Variants in TNR observed in about 807,000 individuals in gnomAD.
TNR encodes the protein tenascin-R.
In TNR, 45 loss-of-function variants were observed where a neutral mutation model predicts 150.4. The observed-to-expected ratio is 0.30, with a 90% CI of 0.24 to 0.38. The LOEUF is 0.38. Among genes scored for constraint, TNR ranks in the 10% least tolerant of loss-of-function variants. The pLI is 1.00. For missense variants in TNR, 1,544 were observed against 1,759.1 expected, an observed-to-expected ratio of 0.88 and a Z score of 2.19; for synonymous variants, 687 against 678.4, an observed-to-expected ratio of 1.01 and a Z score of -0.20.
chr1:175,521,347 A>G (rs544346708), intron 2 of TNR, among the ~76,000 whole-genome samples: 3 of 152,324 alleles, frequency 2.0e-5, no homozygotes, highest in South Asian at 4.1e-4. Context: ...TCAGTTGTCA[A>G]TGGTCACTCT....
chr1:175,422,110 T>G (rs1654776584), intron 2 of TNR, among the ~76,000 whole-genome samples: 1 of 152,220 alleles, frequency 6.6e-6, no homozygotes, highest in African/African-American at 2.4e-5. Flanking sequence ...GCACCAGGAT[T>G]CAAAGTTAAG....
At chr1:175,736,243 C>A (rs549100100) in intron 1 of TNR, among the ~76,000 whole-genome samples, 1 of 152,316 alleles carries the variant, frequency 6.6e-6, no homozygotes, top group Non-Finnish European at 1.5e-5. Context: ...TGTGGTGGGC[C>A]GGGCGTGGTG....
At chr1:175,641,105 T>C (rs1014309521) in intron 1 of TNR, among the ~76,000 whole-genome samples, 63 of 152,064 alleles carry the variant, frequency 4.1e-4, no homozygotes, top group African/African-American at 1.4e-3. Flanking sequence ...AGATAAACTA[T>C]AGAGCAAAAT....
chr1:175,428,090 TTAAG>T (rs1397510131), intron 2 of TNR, among the ~76,000 whole-genome samples: 2 of 152,180 alleles, frequency 1.3e-5, no homozygotes, highest in African/African-American at 2.4e-5. Context: ...TTCTACTTCT[TTAAG>T]TAACCTCAAG....
intron 2 of TNR, among the ~76,000 whole-genome samples, chr1:175,413,352 C>G (rs991607140): frequency 6.6e-6 from 1 of 152,186 alleles, no homozygotes; most frequent in African/African-American, 2.4e-5. Context: ...GTGATGCTGT[C>G]GGGCAGATTT....
chr1:175,483,570 C>T (rs1657891248), intron 2 of TNR, among the ~76,000 whole-genome samples: 1 of 152,034 alleles, frequency 6.6e-6, no homozygotes, highest in South Asian at 2.1e-4. Flanking sequence ...AGGAAAAGGG[C>T]CTGGATGTTA....
Position 175,661,705 on chromosome 1 carries a change from T to C in TNR, c.-165+81521A>G, listed in dbSNP as rs74127394. Among the ~76,000 whole-genome samples the C allele has an allele frequency of 7.1e-3, 1,086 of 152,256 alleles. 13 individuals carry two copies. The highest frequency in any genetic ancestry group is 0.025 in the African/African-American group (1,047 of 41,536). Reference sequence around the variant, plus strand: ...CCACACTGCACATGCCTCCTCTCCCTGCTCCCTGCTGGACATTTCTCTCCC... The same window carrying C: ...CCACACTGCACATGCCTCCTCTCCCCGCTCCCTGCTGGACATTTCTCTCCC... On this transcript the variant is annotated intron_variant, in intron 1 of 22. Coordinates refer to ENST00000367674, the MANE Select transcript of TNR (RefSeq NM_003285.3).
chr1:175,324,331 A>C, intron 22 of TNR, 25 bp downstream of exon 22: 1 of 1,608,388 alleles, frequency 6.2e-7, no homozygotes, highest in Non-Finnish European at 8.5e-7. Context: ...TGGCTCATTC[A>C]TAGCAGAGGT....
At chr1:175,660,974 C>T (rs890891378) in intron 1 of TNR, among the ~76,000 whole-genome samples, 3 of 152,198 alleles carry the variant, frequency 2.0e-5, no homozygotes, top group East Asian at 1.9e-4. Flanking sequence ...CACCCACTGC[C>T]GCCTGAAACA....
intron 1 of TNR, among the ~76,000 whole-genome samples, chr1:175,634,742 C>T (rs1664441638): frequency 1.3e-5 from 2 of 152,146 alleles, no homozygotes; most frequent in Admixed American, 6.5e-5. Flanking sequence ...TTGTTGTGCT[C>T]ACAGAACTCC....
intron 1 of TNR, among the ~76,000 whole-genome samples, chr1:175,711,725 G>A (rs910822141): frequency 6.6e-6 from 1 of 152,176 alleles, no homozygotes; most frequent in South Asian, 2.1e-4. Flanking sequence ...TCTCACAGAC[G>A]TGGAAACAGG....
rs561747275 is a variant in TNR, at chr1:175,599,887, C to A, written c.-164-71518G>T. ...ACTCGGGATGGAGGCAACCCCTCGGCGTGGGGATGCTGAGGCAGGCAAGAG... is the reference window on the plus strand; with the variant it reads ...ACTCGGGATGGAGGCAACCCCTCGGAGTGGGGATGCTGAGGCAGGCAAGAG... On this transcript the variant is annotated intron_variant, in intron 1 of 22. Coordinates refer to ENST00000367674, the MANE Select transcript of TNR (RefSeq NM_003285.3). This position sits in a 1 kb window ranked among gnomAD's most constrained non-coding sequence, Gnocchi z 4.7. 6.6e-6 allele frequency among the ~76,000 whole-genome samples: 1 copy of A among 152,142 alleles called. No homozygotes were observed. Among genetic ancestry groups the A allele is most frequent in the East Asian group, 1.9e-4 (1 of 5,194 alleles).
chr1:175,477,609 G>T (rs186664704), intron 2 of TNR, among the ~76,000 whole-genome samples: 1 of 152,224 alleles, frequency 6.6e-6, no homozygotes, highest in East Asian at 1.9e-4. Context: ...CACCACAATA[G>T]AAATCATACA....
chr1:175,539,815 C>T (rs1219455489), intron 1 of TNR, among the ~76,000 whole-genome samples: 1 of 152,156 alleles, frequency 6.6e-6, no homozygotes, highest in Non-Finnish European at 1.5e-5. Flanking sequence ...TTATGATTTG[C>T]CCTTCCCAGA....
chr1:175,555,515 G>GA (rs56074366), intron 1 of TNR, among the ~76,000 whole-genome samples: 133 of 127,888 alleles, frequency 1.0e-3, no homozygotes, highest in Middle Eastern at 4.1e-3. Context: ...ACAACTGAGA[G>GA]AAAAAAAAAA....
intron 1 of TNR, among the ~76,000 whole-genome samples, chr1:175,544,978 A>G (rs570187226): frequency 6.6e-6 from 1 of 152,294 alleles, no homozygotes; most frequent in South Asian, 2.1e-4. Context: ...TTTCTGCCAT[A>G]AGATCACCTA....
chr1:175,327,689 G>A (rs1489222799), intron 21 of TNR, among the ~76,000 whole-genome samples: 1 of 152,114 alleles, frequency 6.6e-6, no homozygotes, highest in Admixed American at 6.5e-5. Flanking sequence ...CTCCTCCACA[G>A]CATCTGCTCC....
At chr1:175,603,955 T>G (rs1248407398) in intron 1 of TNR, among the ~76,000 whole-genome samples, 1 of 152,214 alleles carries the variant, frequency 6.6e-6, no homozygotes, top group African/African-American at 2.4e-5. Flanking sequence ...TTTCAGTATT[T>G]TATTTTCAAG....
In TNR at chr1:175,651,291, A is replaced by G. The variant is rs543017023; in HGVS notation, c.-165+91935T>C. Among the ~76,000 whole-genome samples, 5 of 150,804 alleles carry G rather than the reference A, an allele frequency of 3.3e-5. No individual in the cohort carries two copies. The South Asian group carries it at 1.1e-3, about 32-fold the overall frequency. ...GCTTTTGGGATCAAGAGACACAGCT[A>G]TGGGAAGAGAGCCTGGCCCAGGCAG... On this transcript the variant is annotated intron_variant, in intron 1 of 22. Coordinates refer to ENST00000367674, the MANE Select transcript of TNR (RefSeq NM_003285.3).
Sources: gnomAD v4.1 joint callset for allele counts (sites outside exome capture counted in the v4.1 genomes callset) on GRCh38, gnomAD v4.1.1 for gene constraint, Gnocchi (gnomAD v3.1) non-coding constraint, MANE v1.5 for transcripts, NCBI Gene and HGNC (gene_info 2026-07-23, HGNC 2026-07-21) for gene names.